Variants in GLI2 observed in about 807,000 individuals in gnomAD.
The protein encoded by GLI2 is GLI family zinc finger 2.
Under a neutral mutation model 78.9 loss-of-function variants are expected in GLI2, and 22 were observed. The ratio of observed to expected loss-of-function variants is 0.28; its 90% CI spans 0.20 to 0.40. The LOEUF is 0.40. Ranked by LOEUF, GLI2 falls within the 10% of genes least tolerant of loss-of-function variation. GLI2 has a pLI of 1.00. For synonymous variants in GLI2, 974 were observed against 963.7 expected (o/e 1.01, Z -0.20); for missense variants, 2,097 against 2,213.2 (o/e 0.95, Z 1.05).
rs745361113 is a variant in GLI2 at position 120,990,514 on chromosome 2, C to T, written c.4549C>T (p.Leu1517Phe). The part of the protein sequence containing the change: ...LFSGALSPSL[L>F]HSLSQNSSRL... ...CTCGGGTGCTCTGAGCCCCAGCCTC[C>T]TCCACAGCCTCTCCCAGAACTCCTC... Residue 1517 changes from leucine (L) to phenylalanine (F), a missense_variant, in exon 14 of 14, where the codon CTC becomes TTC. Coordinates refer to ENST00000361492, the MANE Select transcript of GLI2 (RefSeq NM_001374353.1). 1 of 1,614,140 alleles carries T rather than the reference C, an allele frequency of 6.2e-7. No homozygotes were observed. The highest frequency in any genetic ancestry group is 8.5e-7 in the Non-Finnish European group (1 of 1,180,018).
At chr2:120,959,420 C>CA in intron 5 of GLI2, among the ~76,000 whole-genome samples, 1 of 152,216 alleles carries the variant, frequency 6.6e-6, no homozygotes, top group East Asian at 1.9e-4. Context: ...CCTTTGTTCC[C>CA]AGTCAGTTAC....
chr2:120,844,631 C>T (rs529750691), intron 2 of GLI2, among the ~76,000 whole-genome samples: 1 of 152,268 alleles, frequency 6.6e-6, no homozygotes, highest in African/African-American at 2.4e-5. Flanking sequence ...GTTCTGAATT[C>T]TAGTTAGAAA....
intron 2 of GLI2, among the ~76,000 whole-genome samples, chr2:120,836,820 G>A (rs1321084667): frequency 6.6e-6 from 1 of 152,186 alleles, no homozygotes; most frequent in Non-Finnish European, 1.5e-5. Context: ...GCTGTTGGGT[G>A]TACACACTTG....
chr2:120,747,397 G>A (rs1682725944), intron 1 of GLI2, among the ~76,000 whole-genome samples: 1 of 152,294 alleles, frequency 6.6e-6, no homozygotes, highest in Admixed American at 6.5e-5. Context: ...TGGGCAGTAG[G>A]GGCAGAGCTC....
intron 11 of GLI2, 132 bp downstream of exon 11, chr2:120,983,012 C>T: frequency 1.3e-6 from 1 of 752,350 alleles, no homozygotes; most frequent in Non-Finnish European, 2.2e-6. Flanking sequence ...AGCTATACAT[C>T]CTCAGATACA....
rs370931306 is a variant in GLI2, at chr2:120,987,905, A to C, written c.2243-303A>C. Among the ~76,000 whole-genome samples, 695 of 152,300 alleles carry C rather than the reference A, an allele frequency of 4.6e-3. 4 individuals carry two copies. The highest frequency in any genetic ancestry group is 0.015 in the African/African-American group (637 of 41,576). ...GCAATAAGTGCCACCATTTGTTTAC[A>C]TATTGCTTTTTCCTTCCCCTTTTTA... On this transcript the variant is annotated intron_variant, in intron 13 of 13. Transcript: ENST00000361492.
At chr2:120,983,736 C>G (rs114438177) in intron 11 of GLI2, among the ~76,000 whole-genome samples, 30 of 152,346 alleles carry the variant, frequency 2.0e-4, no homozygotes, top group Admixed American at 7.8e-4. Context: ...CTCAGGCTTA[C>G]TCGGAAATGT....
Position 120,992,434 on chromosome 2 carries a change from AT to A in GLI2, c.*1761del, listed in dbSNP as rs1347834253. ...TTTTAGCTTTTTCTACATGCTATGA[AT>A]TGAGATGACATGCTCAACTTGTAAA... On this transcript the variant is annotated 3_prime_UTR_variant, in exon 14 of 14. Coordinates refer to ENST00000361492, the MANE Select transcript of GLI2 (RefSeq NM_001374353.1). 2.0e-5 allele frequency: 3 copies of A among 152,236 alleles called. No homozygotes were observed. The highest frequency in any genetic ancestry group is 7.2e-5 in the African/African-American group (3 of 41,456). The allele number at this position is 152,236 out of a possible 1,614,324, so 9.4% of individuals were successfully genotyped here. A position where few individuals can be genotyped will look rare whatever the true frequency, so the allele number is the denominator to read the frequency against.
intron 1 of GLI2, among the ~76,000 whole-genome samples, chr2:120,782,901 C>T (rs888271449): frequency 1.3e-5 from 2 of 152,218 alleles, no homozygotes; most frequent in Non-Finnish European, 2.9e-5. Flanking sequence ...AGGTTGACTG[C>T]AGGCTCTCTT....
At chr2:120,972,564 GGGCATGTGCTGT>G in intron 8 of GLI2, 1 of 496,476 alleles carries the variant, frequency 2.0e-6, no homozygotes, top group Admixed American at 2.1e-5. Flanking sequence ...GGTCACTTCA[GGGCATGTGCTGT>G]GTGCACACCT....
chr2:120,821,305 A>G (rs1685763594), intron 2 of GLI2, among the ~76,000 whole-genome samples: 1 of 152,078 alleles, frequency 6.6e-6, no homozygotes, highest in African/African-American at 2.4e-5. Flanking sequence ...CTGTTTTCCT[A>G]TTTGACTGGA....
intron 11 of GLI2, among the ~76,000 whole-genome samples, chr2:120,983,942 GT>G (rs1463768036): frequency 2.4e-5 from 2 of 84,920 alleles, no homozygotes; most frequent in Non-Finnish European, 4.8e-5. Flanking sequence ...GACGTGGTGT[GT>G]GGGGTGTGTG....
At chr2:120,865,163 C>T (rs1001395805) in intron 2 of GLI2, among the ~76,000 whole-genome samples, 5 of 152,088 alleles carry the variant, frequency 3.3e-5, no homozygotes, top group African/African-American at 9.7e-5. Context: ...AAACGTGGCT[C>T]GAGTGTCTGA....
intron 3 of GLI2, among the ~76,000 whole-genome samples, chr2:120,944,573 A>G (rs1680616377): frequency 6.6e-6 from 1 of 152,224 alleles, no homozygotes; most frequent in African/African-American, 2.4e-5. Flanking sequence ...TAGGCCTGCC[A>G]GGGGACCACC....
chr2:120,776,676 C>T (rs1683684884), intron 1 of GLI2, among the ~76,000 whole-genome samples: 1 of 152,162 alleles, frequency 6.6e-6, no homozygotes, highest in Non-Finnish European at 1.5e-5. Flanking sequence ...CTCTGGTTCT[C>T]CAGTCCAGCC....
chr2:120,822,235 T>C (rs11122821), intron 2 of GLI2, among the ~76,000 whole-genome samples: 65,389 of 152,140 alleles, frequency 0.43, 14,205 homozygotes, highest in Middle Eastern at 0.54. Context: ...TGGAAGGTGA[T>C]AAACTCAACA....
chr2:120,982,242 G>T (rs1245209688), intron 10 of GLI2, among the ~76,000 whole-genome samples: 4 of 152,172 alleles, frequency 2.6e-5, no homozygotes, highest in African/African-American at 9.7e-5. Flanking sequence ...GATGAGGGTG[G>T]CCGACTCACT....
intron 2 of GLI2, among the ~76,000 whole-genome samples, chr2:120,846,112 G>C (rs1320892470): frequency 1.3e-5 from 2 of 152,200 alleles, no homozygotes; most frequent in Non-Finnish European, 2.9e-5. Flanking sequence ...CATTTGTGGA[G>C]TGGGCCTGGT....
At chr2:120,763,862 G>C (rs1352172483) in intron 1 of GLI2, among the ~76,000 whole-genome samples, 1 of 152,258 alleles carries the variant, frequency 6.6e-6, no homozygotes, top group Admixed American at 6.5e-5. Flanking sequence ...TATTTTCAAA[G>C]GTTTTGGGGC....
Sources: gnomAD v4.1 joint callset for allele counts (sites outside exome capture counted in the v4.1 genomes callset) on GRCh38, gnomAD v4.1.1 for gene constraint, MANE v1.5 for transcripts, NCBI Gene and HGNC (gene_info 2026-07-23, HGNC 2026-07-21) for gene names.